KCNQ1: variants seen among roughly 807,000 people sequenced by gnomAD.
KCNQ1 encodes potassium voltage-gated channel subfamily KQT member 1.
A neutral mutation model predicts 72.4 loss-of-function variants in KCNQ1; 49 were observed. The observed-to-expected ratio is 0.68, with a 90% CI of 0.54 to 0.86. The LOEUF (loss-of-function observed/expected upper bound fraction) is 0.86, where lower values mean the gene tolerates loss of function less well. KCNQ1 is among the 40% of genes least tolerant of loss of function. The pLI is 0.00. For missense variants in KCNQ1, 790 were observed against 945.1 expected, an observed-to-expected ratio of 0.84 and a Z score of 2.15; for synonymous variants, 450 against 412.6, an observed-to-expected ratio of 1.09 and a Z score of -1.10.
At chr11:2,524,126 A>T (rs928103189) in intron 1 of KCNQ1, among the ~76,000 whole-genome samples, 1 of 152,104 alleles carries the variant, frequency 6.6e-6, no homozygotes, top group Non-Finnish European at 1.5e-5. Flanking sequence ...GATTGTGAGG[A>T]TTCTTCTAAG....
rs1316261082 is a variant in KCNQ1, at chr11:2,803,828, C to A, written c.1794+25791C>A. Among the ~76,000 whole-genome samples the A allele has an allele frequency of 6.6e-6, 1 of 152,186 alleles. No individual in the cohort carries two copies. The highest frequency in any genetic ancestry group is 2.4e-5 in the African/African-American group (1 of 41,436). On this transcript the variant is annotated intron_variant, in intron 15 of 15. Coordinates refer to ENST00000155840, the MANE Select transcript of KCNQ1 (RefSeq NM_000218.3). The surrounding 1 kb of genome is among the most constrained non-coding windows in gnomAD (Gnocchi z 6.4). ...CCCACCAGCTCCCACCCTGCTATGC[C>A]CATGGACCCCAGGGTCAGCTTTTAT...
chr11:2,644,036 T>G (rs951853954), intron 10 of KCNQ1: 1 of 398,542 alleles, frequency 2.5e-6, no homozygotes, highest in Non-Finnish European at 4.4e-6. Flanking sequence ...GATTCTCTCT[T>G]TGTCTTGGGA....
At chr11:2,546,044 G>A (rs936560247) in intron 2 of KCNQ1, among the ~76,000 whole-genome samples, 1 of 151,314 alleles carries the variant, frequency 6.6e-6, no homozygotes, top group African/African-American at 2.4e-5. Context: ...GTTTTAATTT[G>A]TTCTTTTTTT....
rs754905912 is a variant in KCNQ1, at chr11:2,654,031, G to A, written c.1394-7930G>A. ...AATATACATTTTCACTCCATTCCTCGCCTTGTTCCTGGCAGCTGTTGTGGG... is the reference window on the plus strand; with the variant it reads ...AATATACATTTTCACTCCATTCCTCACCTTGTTCCTGGCAGCTGTTGTGGG... On this transcript the variant is annotated intron_variant, in intron 10 of 15. Coordinates refer to ENST00000155840, the MANE Select transcript of KCNQ1 (RefSeq NM_000218.3). The surrounding 1 kb of genome is among the most constrained non-coding windows in gnomAD (Gnocchi z 6.4). The A allele has an allele frequency of 6.8e-5, 27 of 398,544 alleles. 1 individual carries two copies. The highest frequency in any genetic ancestry group is 9.7e-5 in the Non-Finnish European group (22 of 226,104). 24.7% of individuals were successfully genotyped at this position (398,544 alleles called of 1,614,324 possible).
chr11:2,605,661 G>A (rs1448446672), intron 10 of KCNQ1, among the ~76,000 whole-genome samples: 1 of 152,198 alleles, frequency 6.6e-6, no homozygotes, highest in Admixed American at 6.5e-5. Flanking sequence ...TCTCATGCCA[G>A]TATCACATTT....
At chr11:2,666,922 G>T (rs1327161349) in intron 11 of KCNQ1, 3 of 398,574 alleles carry the variant, frequency 7.5e-6, no homozygotes, top group Non-Finnish European at 1.3e-5. Context: ...CTTCTGCAAA[G>T]CTCCAGACCA....
rs1847128710 is a variant in KCNQ1 at position 2,507,782 on chromosome 11, G to A, written c.387-20146G>A. Among the ~76,000 whole-genome samples the A allele has an allele frequency of 2.0e-5, 3 of 152,102 alleles. No homozygotes were observed. In the South Asian group the frequency reaches 6.2e-4, roughly 32 times the overall value. On this transcript the variant is annotated intron_variant, in intron 1 of 15. Transcript: ENST00000155840. This position sits in a 1 kb window ranked among gnomAD's most constrained non-coding sequence, Gnocchi z 5.4. ...AGACAGGGCCTCCTGTAGCCTGGGT[G>A]GGTGGAAGGGCAGAGGGCAAGGGCC... is the stretch of plus-strand genomic sequence containing the variant.
At chr11:2,648,449 A>G (rs1479866971) in intron 10 of KCNQ1, 3 of 398,272 alleles carry the variant, frequency 7.5e-6, no homozygotes, top group African/African-American at 4.1e-5. Context: ...GTTGTACCCT[A>G]TACATTTTTG....
chr11:2,560,767 C>G (rs1188430808), intron 2 of KCNQ1, among the ~76,000 whole-genome samples: 1 of 152,068 alleles, frequency 6.6e-6, no homozygotes, highest in Non-Finnish European at 1.5e-5. Flanking sequence ...GGTCTCAGCA[C>G]TGAGCTTGCA....
chr11:2,655,470 T>C (rs1024725763), intron 10 of KCNQ1: 1 of 398,566 alleles, frequency 2.5e-6, no homozygotes, highest in African/African-American at 2.1e-5. Flanking sequence ...ATTGCTCCGG[T>C]ACCTCCTGCA....
intron 11 of KCNQ1, chr11:2,700,117 G>A (rs1244303427): frequency 2.5e-6 from 1 of 397,426 alleles, no homozygotes; most frequent in East Asian, 3.6e-5. Context: ...GGATTGGCTG[G>A]GTGCGGAAAG....
chr11:2,534,503 C>T (rs1013904118), intron 2 of KCNQ1, among the ~76,000 whole-genome samples: 2 of 152,238 alleles, frequency 1.3e-5, no homozygotes, highest in African/African-American at 4.8e-5. Flanking sequence ...GGGTTGTCTT[C>T]CTCCCTGCCT....
intron 12 of KCNQ1, among the ~76,000 whole-genome samples, chr11:2,775,424 G>A (rs562736137): frequency 6.6e-6 from 1 of 152,326 alleles, no homozygotes; most frequent in Admixed American, 6.5e-5. Context: ...GCCGTCATCT[G>A]GGGCCACCCC....
rs78545460 is a variant in KCNQ1, at chr11:2,481,180, C to T, written c.386+35696C>T. ...AAAGCAGATGACAATTCCAGTTACTCCTCACCAGACATAAGAAAATGCTTT... is the reference window on the plus strand; with the variant it reads ...AAAGCAGATGACAATTCCAGTTACTTCTCACCAGACATAAGAAAATGCTTT... On this transcript the variant is annotated intron_variant, in intron 1 of 15. Transcript: ENST00000155840. The surrounding 1 kb of genome is among the most constrained non-coding windows in gnomAD (Gnocchi z 4.6). 4.2e-3 allele frequency among the ~76,000 whole-genome samples: 644 copies of T among 152,272 alleles called. 1 individual carries two copies. Among genetic ancestry groups the T allele is most frequent in the African/African-American group, 0.011 (448 of 41,538 alleles).
chr11:2,720,001 G>A lies in KCNQ1; in HGVS notation c.1515-48843G>A, dbSNP rs962830378. On this transcript the variant is annotated intron_variant, in intron 11 of 15. Coordinates refer to ENST00000155840, the MANE Select transcript of KCNQ1 (RefSeq NM_000218.3). This position sits in a 1 kb window ranked among gnomAD's most constrained non-coding sequence, Gnocchi z 5.1. ...TGCACGCCTGGGCGGAGGTGGAGCC[G>A]CTTCACCATACATGCAAATGTAGCA... is the stretch of plus-strand genomic sequence containing the variant. Among the ~76,000 whole-genome samples the A allele has an allele frequency of 3.3e-5, 5 of 152,226 alleles. No individual in the cohort carries two copies. The highest frequency in any genetic ancestry group is 7.3e-5 in the Non-Finnish European group (5 of 68,040).
chr11:2,519,779 C>G (rs892548976), intron 1 of KCNQ1, among the ~76,000 whole-genome samples: 2 of 98,140 alleles, frequency 2.0e-5, no homozygotes, highest in East Asian at 2.4e-4. Context: ...GTTGGCCCCC[C>G]CCCACAACAT....
chr11:2,699,076 G>C (rs1850726270), intron 11 of KCNQ1: 1 of 398,402 alleles, frequency 2.5e-6, no homozygotes, highest in Admixed American at 4.4e-5. Context: ...CCACAACATG[G>C]ATTCCCAACT....
intron 1 of KCNQ1, among the ~76,000 whole-genome samples, chr11:2,480,013 C>G (rs181588197): frequency 1.3e-5 from 2 of 152,314 alleles, no homozygotes; most frequent in Admixed American, 1.3e-4. Flanking sequence ...TAGCAAGAGT[C>G]ATCTTTAATC....
At chr11:2,814,327 G>A (rs1272228070) in intron 15 of KCNQ1, among the ~76,000 whole-genome samples, 2 of 151,204 alleles carry the variant, frequency 1.3e-5, no homozygotes, top group African/African-American at 4.9e-5. Context: ...GGATCGATGG[G>A]TGTGTGGGTG....
Sources: gnomAD v4.1 joint callset for allele counts (sites outside exome capture counted in the v4.1 genomes callset) on GRCh38, gnomAD v4.1.1 for gene constraint, Gnocchi (gnomAD v3.1) non-coding constraint, MANE v1.5 for transcripts, NCBI Gene and HGNC (gene_info 2026-07-23, HGNC 2026-07-21) for gene names.